The following TRAPPC9 variants were observed in gnomAD, a reference collection of about 807,000 sequenced individuals.
The protein encoded by TRAPPC9 is trafficking protein particle complex subunit 9, also known as IKK2 binding protein.
A neutral mutation model predicts 124.0 loss-of-function variants in TRAPPC9; 83 were observed. That is an observed-to-expected ratio of 0.67 (90% CI 0.56 to 0.80). TRAPPC9 has a LOEUF of 0.80. TRAPPC9 is among the 30% of genes least tolerant of loss of function. The probability of loss-of-function intolerance (pLI) is 0.00; values close to 1 mark genes in which losing one functional copy is unlikely to be tolerated. For synonymous variants in TRAPPC9, 638 were observed against 617.5 expected (o/e 1.03, Z -0.49); for missense variants, 1,302 against 1,508.3 (o/e 0.86, Z 2.27).
At chr8:140,156,289 C>A (rs2061629230) in intron 17 of TRAPPC9, among the ~76,000 whole-genome samples, 2 of 152,176 alleles carry the variant, frequency 1.3e-5, no homozygotes, top group African/African-American at 4.8e-5. Flanking sequence ...TTCAATGCAA[C>A]CTGGACATTC....
At chr8:140,330,585 G>A (rs2066869934) in intron 9 of TRAPPC9, among the ~76,000 whole-genome samples, 1 of 152,114 alleles carries the variant, frequency 6.6e-6, no homozygotes, top group African/African-American at 2.4e-5. Flanking sequence ...TTATAAACAT[G>A]TTCTACCAAA....
chr8:139,901,706 G>A (rs369284738), intron 20 of TRAPPC9, among the ~76,000 whole-genome samples: 3 of 152,188 alleles, frequency 2.0e-5, no homozygotes, highest in South Asian at 4.1e-4. Flanking sequence ...GGGATAATGC[G>A]AGGCCCTGGC....
chr8:139,934,648 C>T (rs907579346), intron 19 of TRAPPC9, among the ~76,000 whole-genome samples: 3 of 152,162 alleles, frequency 2.0e-5, no homozygotes, highest in Admixed American at 6.5e-5. Flanking sequence ...TTCCATCCGC[C>T]GAGGAATCTC....
At chr8:140,039,241 A>G (rs1841109818) in intron 17 of TRAPPC9, among the ~76,000 whole-genome samples, 2 of 152,206 alleles carry the variant, frequency 1.3e-5, no homozygotes, top group Admixed American at 6.5e-5. Flanking sequence ...AGGACTATAA[A>G]CGTGAAGTTC....
chr8:140,059,602 T>C (rs1308427389), intron 17 of TRAPPC9, among the ~76,000 whole-genome samples: 1 of 152,222 alleles, frequency 6.6e-6, no homozygotes, highest in African/African-American at 2.4e-5. Context: ...CATACGCCAC[T>C]GGTCTTCTGG....
Position 139,914,361 on chromosome 8 carries a change from G to A in TRAPPC9, c.2811-4061C>T, listed in dbSNP as rs1028499737. Among the ~76,000 whole-genome samples the A allele has an allele frequency of 3.9e-5, 6 of 152,376 alleles. No homozygotes were observed. The East Asian group carries it at 5.8e-4, about 15-fold the overall frequency. On this transcript the variant is annotated intron_variant, in intron 19 of 22. Transcript: ENST00000438773. ...GGTAAGGAAGAAACCCAGGGCCACCGAGGGGCACGAAGCTGAGATCACCTA... is the reference window on the plus strand; with the variant it reads ...GGTAAGGAAGAAACCCAGGGCCACCAAGGGGCACGAAGCTGAGATCACCTA...
chr8:140,284,074 G>GC, intron 13 of TRAPPC9, 53 bp from the exon 14 acceptor site: 2 of 1,610,478 alleles, frequency 1.2e-6, no homozygotes, highest in Non-Finnish European at 1.7e-6. Context: ...TGGGTCTCAC[G>GC]CCCACGGCTG....
chr8:140,457,506 G>T, intron 1 of TRAPPC9, 133 bp downstream of exon 1: 1 of 743,192 alleles, frequency 1.3e-6, no homozygotes, highest in African/African-American at 1.9e-5. Context: ...GACAGGTGTG[G>T]CGGGCTCCGC....
rs766520626 is a variant in TRAPPC9 at position 140,063,181 on chromosome 8, G to A, written c.2557-39102C>T. Among the ~76,000 whole-genome samples, 18 of 152,234 alleles carry A rather than the reference G, an allele frequency of 1.2e-4. No homozygotes were observed. The Middle Eastern group carries it at 0.014, about 115-fold the overall frequency. On this transcript the variant is annotated intron_variant, in intron 17 of 22. Transcript: ENST00000438773. The surrounding 1 kb of genome is among the most constrained non-coding windows in gnomAD (Gnocchi z 4.3). ...CACTGTGATTCAATGACCTCCACCT[G>A]GTCTCTCCCTTGATACATGGGGCTT...
chr8:139,952,210 G>A (rs531493226), intron 19 of TRAPPC9, among the ~76,000 whole-genome samples: 8 of 152,134 alleles, frequency 5.3e-5, no homozygotes, highest in Non-Finnish European at 1.2e-4. Context: ...TAGATTAATA[G>A]CAAATTGCAT....
At chr8:140,267,642 G>A (rs2064727383) in intron 15 of TRAPPC9, among the ~76,000 whole-genome samples, 1 of 150,898 alleles carries the variant, frequency 6.6e-6, no homozygotes, top group Non-Finnish European at 1.5e-5. Context: ...AAGAGTAAAA[G>A]CTATTCTTTT....
intron 17 of TRAPPC9, among the ~76,000 whole-genome samples, chr8:140,024,720 C>T (rs1840027165): frequency 6.6e-6 from 1 of 151,838 alleles, no homozygotes; most frequent in South Asian, 2.1e-4. Context: ...TGTGGGATGA[C>T]AGGCGTGTGG....
intron 17 of TRAPPC9, among the ~76,000 whole-genome samples, chr8:140,206,126 C>T (rs2062911884): frequency 6.6e-6 from 1 of 152,078 alleles, no homozygotes; most frequent in African/African-American, 2.4e-5. Context: ...TAAGTCACCA[C>T]ATTAACAAAG....
intron 17 of TRAPPC9, among the ~76,000 whole-genome samples, chr8:140,113,097 G>A (rs1322612387): frequency 1.3e-5 from 2 of 152,150 alleles, no homozygotes; most frequent in Non-Finnish European, 2.9e-5. Flanking sequence ...GGAATTTCAG[G>A]GGTTGGAAAT....
chr8:139,872,147 A>G (rs1463101931), intron 21 of TRAPPC9, among the ~76,000 whole-genome samples: 70 of 85,026 alleles, frequency 8.2e-4, no homozygotes, highest in Middle Eastern at 0.02. Context: ...CTGGTGGGTA[A>G]ATGGTTGGAT....
chr8:140,107,960 G>T (rs1375723023), intron 17 of TRAPPC9, among the ~76,000 whole-genome samples: 1 of 151,978 alleles, frequency 6.6e-6, no homozygotes, highest in Admixed American at 6.6e-5. Context: ...GTGTGTGGTG[G>T]GGGTGGGGTG....
intron 17 of TRAPPC9, among the ~76,000 whole-genome samples, chr8:140,171,279 C>T (rs916632422): frequency 2.1e-4 from 32 of 152,140 alleles, no homozygotes; most frequent in African/African-American, 7.7e-4. Context: ...TCACTATAGA[C>T]AGAAACAGAT....
intron 21 of TRAPPC9, among the ~76,000 whole-genome samples, chr8:139,868,082 G>A (rs1329749608): frequency 6.6e-6 from 1 of 152,226 alleles, no homozygotes; most frequent in East Asian, 1.9e-4. Context: ...GTTCAGGCTG[G>A]GAGCAGTGGT....
At chr8:139,925,359 C>A (rs1434268206) in intron 19 of TRAPPC9, among the ~76,000 whole-genome samples, 1 of 152,090 alleles carries the variant, frequency 6.6e-6, no homozygotes, top group African/African-American at 2.4e-5. Context: ...ATCTTAGAGG[C>A]GAGAGAGCTA....
Sources: gnomAD v4.1 joint callset for allele counts (sites outside exome capture counted in the v4.1 genomes callset) on GRCh38, gnomAD v4.1.1 for gene constraint, Gnocchi (gnomAD v3.1) non-coding constraint, MANE v1.5 for transcripts, NCBI Gene and HGNC (gene_info 2026-07-23, HGNC 2026-07-21) for gene names.